The following TMEM86B variants were observed in gnomAD, a reference collection of about 807,000 sequenced individuals.
TMEM86B encodes the protein lysoplasmalogenase TMEM86B.
In TMEM86B, 15 loss-of-function variants were observed where a neutral mutation model predicts 12.3. That is an observed-to-expected ratio of 1.22 (90% confidence interval 0.81 to 1.87). TMEM86B has a LOEUF of 1.87. TMEM86B is among the 40% of genes most tolerant of loss of function. TMEM86B has a pLI of 0.00. For missense variants in TMEM86B, 328 were observed against 297.4 expected (o/e 1.10, Z -0.76); for synonymous variants, 173 against 140.3 (o/e 1.23, Z -1.65).
In TMEM86B at chr19:55,227,220, T is replaced by C. The variant is rs2087289747; in HGVS notation, c.642A>G (p.Thr214=). ...GCACCGGGCTCCTGAGGGCTGACAGTGTGATGAGGAGCTGGGCAGCATAGT... is the reference window on the plus strand; with the variant it reads ...GCACCGGGCTCCTGAGGGCTGACAGCGTGATGAGGAGCTGGGCAGCATAGT... ...TTYYAAQLLI[T]LSALRSPVPK... is the part of the protein sequence containing the mutation. The change falls in exon 3 of 3, where the codon ACA becomes ACG. Residue 214 remains threonine (T), a synonymous_variant. Transcript: ENST00000327042. 6.4e-7 allele frequency: 1 copy of C among 1,559,344 alleles called. No homozygotes were observed. The highest frequency in any genetic ancestry group is 8.7e-7 in the Non-Finnish European group (1 of 1,147,934).
chr19:55,228,515 C>T (rs758557501), intron 1 of TMEM86B, 78 bp from the exon 2 acceptor site: 30 of 1,573,076 alleles, frequency 1.9e-5, no homozygotes, highest in Middle Eastern at 3.6e-4. Context: ...TGGCTCCTGT[C>T]CCACCCCCAC....
Position 55,228,251 on chromosome 19 carries a change from C to A in TMEM86B, c.238G>T (p.Ala80Ser), listed in dbSNP as rs764853440. The A allele has an allele frequency of 6.2e-7, 1 of 1,612,632 alleles. No individual in the cohort carries two copies. The highest frequency in any genetic ancestry group is 2.2e-5 in the East Asian group (1 of 44,856). Residue 80 changes from alanine (A) to serine (S), a missense_variant, in exon 2 of 3, where the codon GCC becomes TCC. By Grantham distance (99) the Ala-to-Ser change is moderately conservative (BLOSUM62 1). Transcript: ENST00000327042. ...SGGYTQLLQGALVCSAVGDAC... is the reference protein window; with the variant it reads ...SGGYTQLLQGSLVCSAVGDAC... ...TCCCCCACAGCCGAGCACACAAGGG[C>A]TCCCTGGAGGAGCTGGGTGTAGCCC...
chr19:55,228,716 G>A lies in TMEM86B; in HGVS notation c.26C>T (p.Thr9Ile). 6.2e-7 allele frequency: 1 copy of A among 1,613,338 alleles called. No homozygotes were observed. Among genetic ancestry groups the A allele is most frequent in the East Asian group, 2.2e-5 (1 of 44,870 alleles). MDAGKAGQ[T>I]LKTHCSAQRP... Reference sequence around the variant, plus strand: ...CTGGGCTGAGCAGTGAGTCTTCAGGGTCTGCCCCGCTTTGCCAGCGTCCAT... The same window carrying A: ...CTGGGCTGAGCAGTGAGTCTTCAGGATCTGCCCCGCTTTGCCAGCGTCCAT... Residue 9 changes from threonine (T) to isoleucine (I), a missense_variant, in exon 1 of 3, where the codon ACC (threonine) becomes ATC (isoleucine). By Grantham distance (89) the Thr-to-Ile change is moderately conservative (BLOSUM62 -1). Transcript: ENST00000327042.
At chr19:55,228,531 A>T in intron 1 of TMEM86B, 94 bp from the exon 2 acceptor site, 1 of 1,556,796 alleles carries the variant, frequency 6.4e-7, no homozygotes, top group South Asian at 1.2e-5. Context: ...CCCACCTGGG[A>T]CCCCAGCTGT....
At position 55,227,054 on chromosome 19, in the gene TMEM86B, A is replaced by T; in HGVS notation, c.*127T>A. The T allele has an allele frequency of 8.9e-7, 1 of 1,120,162 alleles. No homozygotes were observed. Among genetic ancestry groups the T allele is most frequent in the Non-Finnish European group, 1.2e-6 (1 of 851,438 alleles). The allele number at this position is 1,120,162 out of a possible 1,614,324, so 69.4% of individuals were successfully genotyped here. Reference sequence around the variant, plus strand: ...GTCTTCAGCCAGAAGCGACGGCGGCAGCGGCGCCTGCAGACAGGCGTCAGG... The same window carrying T: ...GTCTTCAGCCAGAAGCGACGGCGGCTGCGGCGCCTGCAGACAGGCGTCAGG... On this transcript the variant is annotated 3_prime_UTR_variant, in exon 3 of 3. Coordinates refer to ENST00000327042, the MANE Select transcript of TMEM86B (RefSeq NM_173804.5).
chr19:55,228,519 C>A lies in TMEM86B; in HGVS notation c.52-82G>T, dbSNP rs757269033. ...CTCAGATCTCATGGCTCCTGTCCCA[C>A]CCCCACCTGGGACCCCAGCTGTACA... On this transcript the variant is annotated intron_variant, in intron 1 of 2. Coordinates refer to ENST00000327042, the MANE Select transcript of TMEM86B (RefSeq NM_173804.5). 8 of 1,568,238 alleles carry A rather than the reference C, an allele frequency of 5.1e-6. No individual in the cohort carries two copies. The East Asian group carries it at 1.2e-4, about 23-fold the overall frequency.
intron 2 of TMEM86B, 23 bp downstream of exon 2, chr19:55,228,168 G>C: frequency 6.3e-7 from 1 of 1,591,930 alleles, no homozygotes; most frequent in African/African-American, 1.3e-5. Context: ...CATCTGGAAA[G>C]CGTCACAGCA....
Position 55,227,226 on chromosome 19 carries a change from G to A in TMEM86B, c.636C>T (p.Leu212=). Residue 212 remains leucine (L), a synonymous_variant, in exon 3 of 3, where the codon CTC becomes CTT. Coordinates refer to ENST00000327042, the MANE Select transcript of TMEM86B (RefSeq NM_173804.5). ...IMTTYYAAQL[L]ITLSALRSPV... ...GGCTCCTGAGGGCTGACAGTGTGAT[G>A]AGGAGCTGGGCAGCATAGTAGGTGG... The A allele has an allele frequency of 1.9e-6, 3 of 1,569,332 alleles. No individual in the cohort carries two copies. The South Asian group carries it at 3.5e-5, about 18-fold the overall frequency.
chr19:55,228,186 C>T lies in TMEM86B; in HGVS notation c.298+5G>A. On this transcript the variant is annotated splice_donor_5th_base_variant and intron_variant, in intron 2 of 2. Transcript: ENST00000327042. ...CTGGAAAGCGTCACAGCACCTTCCACTCACCAGGGACGAAGGCTGCCGGCC... is the reference window on the plus strand; with the variant it reads ...CTGGAAAGCGTCACAGCACCTTCCATTCACCAGGGACGAAGGCTGCCGGCC... 6.2e-7 allele frequency: 1 copy of T among 1,606,874 alleles called. No individual in the cohort carries two copies. Among genetic ancestry groups the T allele is most frequent in the East Asian group, 2.2e-5 (1 of 44,816 alleles).
intron 2 of TMEM86B, chr19:55,227,864 A>G (rs879493784): frequency 1.7e-6 from 1 of 584,360 alleles, no homozygotes; most frequent in Admixed American, 3.3e-5. Context: ...GAGCCTTTAC[A>G]CTCGCCCTTC....
At chr19:55,228,055 G>C (rs754517585) in intron 2 of TMEM86B, 136 bp downstream of exon 2, 4 of 1,401,482 alleles carry the variant, frequency 2.9e-6, no homozygotes, top group Middle Eastern at 2.6e-4. Flanking sequence ...GAGCTGCCTC[G>C]GTCACGGCTG....
At chr19:55,228,018 G>A (rs958791418) in intron 2 of TMEM86B, 173 bp downstream of exon 2, 54 of 1,163,392 alleles carry the variant, frequency 4.6e-5, no homozygotes, top group African/African-American at 3.1e-4. Flanking sequence ...CCCTAACACC[G>A]CCTGCCCCCA....
Position 55,227,424 on chromosome 19 carries a change from A to C in TMEM86B, c.438T>G (p.Asp146Glu), listed in dbSNP as rs1251430895. 1.3e-6 allele frequency: 2 copies of C among 1,572,354 alleles called. No homozygotes were observed. Among genetic ancestry groups the C allele is most frequent in the Non-Finnish European group, 1.7e-6 (2 of 1,158,762 alleles). The change falls in exon 3 of 3, where the codon GAT becomes GAG. Residue 146 changes from aspartate (D) to glutamate (E), a missense_variant. By Grantham distance (45) the Asp-to-Glu change is conservative. Coordinates refer to ENST00000327042, the MANE Select transcript of TMEM86B (RefSeq NM_173804.5). ...CATAGGCTGCCACCGGCAGGACCAT[A>C]TCCGGCTCGAGGTGCTGGAGCACAA... is the stretch of plus-strand genomic sequence containing the variant. ...LSLVLQHLEP[D>E]MVLPVAAYGL...
chr19:55,227,883 A>C (rs532312187), intron 2 of TMEM86B: 1 of 587,592 alleles, frequency 1.7e-6, no homozygotes, highest in South Asian at 2.3e-5. Context: ...TCCTCCACAC[A>C]GGCATACAGC....
Position 55,226,991 on chromosome 19 carries a change from C to A in TMEM86B, c.*190G>T. ...GAACCGGGGGAAGGCAGCTGGAACC[C>A]AGTAGTGGACTTGGAATTCCGCAAA... On this transcript the variant is annotated 3_prime_UTR_variant, in exon 3 of 3. Coordinates refer to ENST00000327042, the MANE Select transcript of TMEM86B (RefSeq NM_173804.5). 7.1e-6 allele frequency: 4 copies of A among 566,482 alleles called. No individual in the cohort carries two copies. The highest frequency in any genetic ancestry group is 1.1e-5 in the Non-Finnish European group (4 of 368,338). 35.1% of individuals were successfully genotyped at this position (566,482 alleles called of 1,614,324 possible).
chr19:55,226,940 G>C lies in TMEM86B; in HGVS notation c.*241C>G, dbSNP rs992393558. On this transcript the variant is annotated 3_prime_UTR_variant, in exon 3 of 3. Transcript: ENST00000327042. ...GCTGGGAGGGCTCCATGTGGGCCTG[G>C]CTGAGGAGCCAGGGATCTGGAGTCA... 3 of 404,612 alleles carry C rather than the reference G, an allele frequency of 7.4e-6. No homozygotes were observed. The highest frequency in any genetic ancestry group is 1.3e-5 in the Non-Finnish European group (3 of 233,710). The allele number at this position is 404,612 out of a possible 1,614,324, so 25.1% of individuals were successfully genotyped here.
rs773909601 is a variant in TMEM86B at position 55,227,229 on chromosome 19, G to C, written c.633C>G (p.Leu211=). 4 of 1,576,478 alleles carry C rather than the reference G, an allele frequency of 2.5e-6. No homozygotes were observed. Among genetic ancestry groups the C allele is most frequent in the Non-Finnish European group, 3.5e-6 (4 of 1,157,760 alleles). Residue 211 remains leucine (L), a synonymous_variant, in exon 3 of 3, where the codon CTC becomes CTG. Coordinates refer to ENST00000327042, the MANE Select transcript of TMEM86B (RefSeq NM_173804.5). ...TCCTGAGGGCTGACAGTGTGATGAG[G>C]AGCTGGGCAGCATAGTAGGTGGTCA... is the stretch of plus-strand genomic sequence containing the variant. ...VIMTTYYAAQ[L]LITLSALRSP... is the part of the protein sequence containing the mutation.
chr19:55,228,297 C>G lies in TMEM86B; in HGVS notation c.192G>C (p.Leu64=). 6.2e-7 allele frequency: 1 copy of G among 1,613,674 alleles called. No individual in the cohort carries two copies. Among genetic ancestry groups the G allele is most frequent in the Non-Finnish European group, 8.5e-7 (1 of 1,179,940 alleles). ...CLPVLCLAGF[L]WVMSPSGGYT... is the part of the protein sequence containing the mutation. The stretch of plus-strand genomic sequence containing the variant: ...AGCCCCCGCTTGGGGACATGACCCA[C>G]AGGAACCCAGCCAGGCAGAGGACGG... The change falls in exon 2 of 3, where the codon CTG becomes CTC. Residue 64 remains leucine, a synonymous_variant. Transcript: ENST00000327042.
chr19:55,226,921 A>C lies in TMEM86B; in HGVS notation c.*260T>G, dbSNP rs1412700133. 5.5e-6 allele frequency: 2 copies of C among 365,248 alleles called. No homozygotes were observed. The highest frequency in any genetic ancestry group is 9.7e-6 in the Non-Finnish European group (2 of 205,168). 22.6% of individuals were successfully genotyped at this position (365,248 alleles called of 1,614,324 possible). A position where few individuals can be genotyped will look rare whatever the true frequency, so the allele number is the denominator to read the frequency against. On this transcript the variant is annotated 3_prime_UTR_variant, in exon 3 of 3. Coordinates refer to ENST00000327042, the MANE Select transcript of TMEM86B (RefSeq NM_173804.5). ...ACATGGAGGCAGGCTGGTGGCTGGG[A>C]GGGCTCCATGTGGGCCTGGCTGAGG...
Sources: gnomAD v4.1 joint callset for allele counts on GRCh38, gnomAD v4.1.1 for gene constraint, MANE v1.5 for transcripts, NCBI Gene and HGNC (gene_info 2026-07-23, HGNC 2026-07-21) for gene names.